CTNNA3: variants seen among roughly 807,000 people sequenced by gnomAD.
The protein encoded by CTNNA3 is catenin alpha 3.
Under a neutral mutation model 95.7 loss-of-function variants are expected in CTNNA3, and 76 were observed. The ratio of observed to expected loss-of-function variants is 0.79; its 90% CI spans 0.66 to 0.96. The LOEUF is 0.96. Among genes scored for constraint, CTNNA3 ranks in the 40% least tolerant of loss-of-function variants. The pLI, the probability that CTNNA3 is intolerant of heterozygous loss-of-function variation, is 0.00. For synonymous variants in CTNNA3, 431 were observed against 374.4 expected, an observed-to-expected ratio of 1.15 and a Z score of -1.74; for missense variants, 1,191 against 1,089.8, an observed-to-expected ratio of 1.09 and a Z score of -1.31.
chr10:65,923,786 G>T (rs1373293856), intron 17 of CTNNA3, among the ~76,000 whole-genome samples: 1 of 152,118 alleles, frequency 6.6e-6, no homozygotes, highest in African/African-American at 2.4e-5. Flanking sequence ...AGAAATCAAT[G>T]CATGAAATAA....
intron 15 of CTNNA3, among the ~76,000 whole-genome samples, chr10:66,063,610 A>G (rs1296393002): frequency 6.6e-6 from 1 of 151,894 alleles, no homozygotes; most frequent in African/African-American, 2.4e-5. Flanking sequence ...TTATTTTTAA[A>G]AAACTAGTAA....
At chr10:66,370,209 T>G (rs79948356) in intron 12 of CTNNA3, among the ~76,000 whole-genome samples, 5,407 of 152,244 alleles carry the variant, frequency 0.036, 125 homozygotes, top group Non-Finnish European at 0.05. Context: ...AAAAGTTTTA[T>G]CAGCTCACAT....
chr10:67,763,301 C>A (rs907196255), intron 1 of CTNNA3, among the ~76,000 whole-genome samples: 19 of 151,270 alleles, frequency 1.3e-4, no homozygotes, highest in African/African-American at 3.6e-4. Flanking sequence ...CCTAAAAGAA[C>A]AATCTCAGAC....
chr10:66,964,633 C>A (rs371103600), intron 7 of CTNNA3, among the ~76,000 whole-genome samples: 1 of 152,088 alleles, frequency 6.6e-6, no homozygotes, highest in Non-Finnish European at 1.5e-5. Flanking sequence ...GGATTCACTT[C>A]GGAGGAACTG....
intron 5 of CTNNA3, among the ~76,000 whole-genome samples, chr10:67,406,340 A>C (rs188237826): frequency 6.6e-6 from 1 of 152,318 alleles, no homozygotes; most frequent in African/African-American, 2.4e-5. Context: ...CTGTTGGATA[A>C]ATAATAAAAT....
chr10:66,954,491 C>A (rs1291127064), intron 7 of CTNNA3, among the ~76,000 whole-genome samples: 1 of 152,164 alleles, frequency 6.6e-6, no homozygotes, highest in Middle Eastern at 3.4e-3. Flanking sequence ...CTACACGGTC[C>A]CGCAATGGAT....
intron 12 of CTNNA3, among the ~76,000 whole-genome samples, chr10:66,327,172 C>T (rs2092264255): frequency 6.6e-6 from 1 of 152,032 alleles, no homozygotes; most frequent in South Asian, 2.1e-4. Context: ...TATTTCAAAG[C>T]GACAACACTA....
intron 15 of CTNNA3, among the ~76,000 whole-genome samples, chr10:66,019,430 T>C (rs905167259): frequency 5.3e-5 from 8 of 151,816 alleles, no homozygotes; most frequent in African/African-American, 1.9e-4. Flanking sequence ...AGAATAGAAA[T>C]GGGAATCAGA....
chr10:67,702,631 G>C (rs1841050598), intron 1 of CTNNA3, among the ~76,000 whole-genome samples: 1 of 152,194 alleles, frequency 6.6e-6, no homozygotes, highest in African/African-American at 2.4e-5. Context: ...AAAGCAGTGT[G>C]TAGAGGGAAA....
At position 67,131,246 on chromosome 10, in the gene CTNNA3, A is replaced by G. The variant is rs750378481; in HGVS notation, c.1047+49071T>C. Among the ~76,000 whole-genome samples, 77 of 151,976 alleles carry G rather than the reference A, an allele frequency of 5.1e-4. 1 individual carries two copies. The highest frequency in any genetic ancestry group is 2.6e-4 in the Admixed American group (4 of 15,230). ...TTAGGTACCTTTCTTTGGTGTTTCCATTGTATTCTGAGGATGTGTTTATAT... is the reference window on the plus strand; with the variant it reads ...TTAGGTACCTTTCTTTGGTGTTTCCGTTGTATTCTGAGGATGTGTTTATAT... On this transcript the variant is annotated intron_variant, in intron 7 of 17. Coordinates refer to ENST00000433211, the MANE Select transcript of CTNNA3 (RefSeq NM_013266.4).
At chr10:67,199,824 TA>T (rs1863559136) in intron 6 of CTNNA3, among the ~76,000 whole-genome samples, 1 of 152,190 alleles carries the variant, frequency 6.6e-6, no homozygotes, top group Admixed American at 6.5e-5. Context: ...ATATTGACGT[TA>T]TGCAGTGGGA....
At chr10:67,688,274 G>C (rs1458521010) in intron 1 of CTNNA3, among the ~76,000 whole-genome samples, 1 of 152,094 alleles carries the variant, frequency 6.6e-6, no homozygotes, top group African/African-American at 2.4e-5. Context: ...ATAAATGATA[G>C]CTCAGGGGTT....
intron 2 of CTNNA3, among the ~76,000 whole-genome samples, chr10:67,637,092 T>C (rs960419774): frequency 6.6e-6 from 1 of 152,100 alleles, no homozygotes; most frequent in Non-Finnish European, 1.5e-5. Flanking sequence ...TTCGAACCCA[T>C]GGCAAAGAAG....
chr10:67,373,820 G>A (rs938830956), intron 5 of CTNNA3, among the ~76,000 whole-genome samples: 3 of 152,142 alleles, frequency 2.0e-5, no homozygotes, highest in African/African-American at 4.8e-5. Flanking sequence ...GGATGGGTGG[G>A]GTTGTATAGA....
intron 4 of CTNNA3, among the ~76,000 whole-genome samples, chr10:67,535,514 T>C (rs1260270520): frequency 6.6e-6 from 1 of 152,132 alleles, no homozygotes; most frequent in Non-Finnish European, 1.5e-5. Context: ...AGGAGTAGTT[T>C]GAGCTCAGAG....
chr10:66,018,548 A>G (rs1379708524), intron 15 of CTNNA3, among the ~76,000 whole-genome samples: 1 of 152,136 alleles, frequency 6.6e-6, no homozygotes, highest in Admixed American at 6.5e-5. Flanking sequence ...CAATTCAGGT[A>G]GAGCAATTAT....
intron 7 of CTNNA3, among the ~76,000 whole-genome samples, chr10:67,112,880 T>A (rs564408529): frequency 2.7e-4 from 41 of 151,260 alleles, no homozygotes; most frequent in Admixed American, 1.2e-3. Context: ...TATCATTTTT[T>A]AAAAAAAAAC....
chr10:67,322,083 C>G (rs1033972571), intron 5 of CTNNA3, among the ~76,000 whole-genome samples: 2 of 150,950 alleles, frequency 1.3e-5, no homozygotes, highest in African/African-American at 4.9e-5. Flanking sequence ...ACTTGGGTTT[C>G]AGCATGGGGA....
At chr10:67,234,109 T>A (rs899410387) in intron 5 of CTNNA3, among the ~76,000 whole-genome samples, 5 of 152,128 alleles carry the variant, frequency 3.3e-5, no homozygotes, top group South Asian at 2.1e-4. Context: ...TACCATTCCT[T>A]CTGAAACTAT....
Sources: gnomAD v4.1 joint callset for allele counts (sites outside exome capture counted in the v4.1 genomes callset) on GRCh38, gnomAD v4.1.1 for gene constraint, MANE v1.5 for transcripts, NCBI Gene and HGNC (gene_info 2026-07-23, HGNC 2026-07-21) for gene names.